TANGO2: variants seen among roughly 807,000 people sequenced by gnomAD.
TANGO2 encodes the protein transport and Golgi organization protein 2 homolog.
Under a neutral mutation model 39.1 loss-of-function variants are expected in TANGO2, and 26 were observed. The ratio of observed to expected loss-of-function variants is 0.67; its 90% CI spans 0.49 to 0.92. The LOEUF (loss-of-function observed/expected upper bound fraction) is 0.92. Ranked by LOEUF, TANGO2 falls within the 40% of genes least tolerant of loss-of-function variation. TANGO2 has a pLI of 0.00. For synonymous variants in TANGO2, 131 were observed against 144.5 expected, an observed-to-expected ratio of 0.91 and a Z score of 0.67; for missense variants, 326 against 360.1, an observed-to-expected ratio of 0.91 and a Z score of 0.77.
At chr22:20,027,618 T>C (rs904242839) in intron 1 of TANGO2, among the ~76,000 whole-genome samples, 2 of 152,004 alleles carry the variant, frequency 1.3e-5, no homozygotes, top group Non-Finnish European at 2.9e-5. Context: ...TTTTCCTTTT[T>C]TTTTTGAGAC....
At chr22:20,032,649 G>A (rs1272087687) in intron 1 of TANGO2, among the ~76,000 whole-genome samples, 2 of 152,246 alleles carry the variant, frequency 1.3e-5, no homozygotes, top group Non-Finnish European at 2.9e-5. Context: ...GTGGGGACAG[G>A]CAGGGCGGAG....
chr22:20,047,519 G>A (rs902991928), intron 3 of TANGO2, among the ~76,000 whole-genome samples: 2 of 152,166 alleles, frequency 1.3e-5, no homozygotes, highest in African/African-American at 2.4e-5. Context: ...AGAGGCGTGA[G>A]CCACCTCACC....
At chr22:20,047,487 A>G (rs2045469059) in intron 3 of TANGO2, among the ~76,000 whole-genome samples, 1 of 152,066 alleles carries the variant, frequency 6.6e-6, no homozygotes, top group African/African-American at 2.4e-5. Context: ...CACCCGCCTC[A>G]GCCTCCCAAA....
At chr22:20,051,695 A>T (rs1235993269) in intron 3 of TANGO2, among the ~76,000 whole-genome samples, 1 of 151,898 alleles carries the variant, frequency 6.6e-6, no homozygotes, top group Non-Finnish European at 1.5e-5. Flanking sequence ...GTACAAAAAA[A>T]TGCAAAAATC....
chr22:20,023,401 A>G (rs2040104382), intron 1 of TANGO2, among the ~76,000 whole-genome samples: 1 of 152,140 alleles, frequency 6.6e-6, no homozygotes, highest in African/African-American at 2.4e-5. Flanking sequence ...GGGCCTGAGG[A>G]TGGGGCCACC....
At chr22:20,046,948 A>C (rs2045333775) in intron 3 of TANGO2, among the ~76,000 whole-genome samples, 1 of 152,196 alleles carries the variant, frequency 6.6e-6, no homozygotes, top group East Asian at 1.9e-4. Context: ...GACCTGAAGC[A>C]CAGTGTCAGC....
Position 20,049,661 on chromosome 22 carries a change from A to C in TANGO2, c.146-2804A>C, listed in dbSNP as rs79719676. ...GGTAACAAGAGCGAAACTCTGTCTCAAAAAAAAAAAAAAAAAGAAAAAAGA... is the reference window on the plus strand; with the variant it reads ...GGTAACAAGAGCGAAACTCTGTCTCCAAAAAAAAAAAAAAAAGAAAAAAGA... On this transcript the variant is annotated intron_variant, in intron 3 of 8. Coordinates refer to ENST00000327374, the MANE Select transcript of TANGO2 (RefSeq NM_152906.7). Among the ~76,000 whole-genome samples the C allele has an allele frequency of 4.3e-4, 44 of 102,396 alleles. 1 individual carries two copies. The highest frequency in any genetic ancestry group is 2.1e-3 in the African/African-American group (44 of 20,742). 67.2% of individuals were successfully genotyped at this position (102,396 alleles called of 152,430 possible). A position where few individuals can be genotyped will look rare whatever the true frequency, so the allele number is the denominator to read the frequency against.
intron 5 of TANGO2, 38 bp downstream of exon 5, chr22:20,053,589 A>G: frequency 7.2e-7 from 1 of 1,394,442 alleles, no homozygotes; most frequent in Non-Finnish European, 1.0e-6. Flanking sequence ...TCTGCCCAGC[A>G]CTGCCTCGGG....
At position 20,064,933 on chromosome 22, in the gene TANGO2, A is replaced by C; in HGVS notation, c.*271A>C. ...TGAACATGTGGATACACCTGAGCCC[A>C]CTCTTGCACATGTACACAGGCACTC... On this transcript the variant is annotated 3_prime_UTR_variant, in exon 9 of 9. Coordinates refer to ENST00000327374, the MANE Select transcript of TANGO2 (RefSeq NM_152906.7). 4.7e-6 allele frequency: 2 copies of C among 427,664 alleles called. No individual in the cohort carries two copies. The highest frequency in any genetic ancestry group is 4.3e-6 in the Non-Finnish European group (1 of 234,298). 26.5% of individuals were successfully genotyped at this position (427,664 alleles called of 1,614,324 possible).
intron 1 of TANGO2, among the ~76,000 whole-genome samples, chr22:20,036,446 C>T (rs902150611): frequency 1.3e-5 from 2 of 152,162 alleles, no homozygotes; most frequent in Non-Finnish European, 2.9e-5. Context: ...ACTTCTGCTG[C>T]CCCCCGGGGA....
At position 20,064,734 on chromosome 22, in the gene TANGO2, T is replaced by G; in HGVS notation, c.*72T>G. 1 of 1,582,344 alleles carries G rather than the reference T, an allele frequency of 6.3e-7. No homozygotes were observed. The highest frequency in any genetic ancestry group is 8.6e-7 in the Non-Finnish European group (1 of 1,162,660). On this transcript the variant is annotated 3_prime_UTR_variant, in exon 9 of 9. Transcript: ENST00000327374. ...GAGGGGCACTGTGGACAGGAAACCT[T>G]CCTTTGCCATACTGCATTGCACTGC...
chr22:20,053,282 A>G (rs780277610), intron 4 of TANGO2, 155 bp from the exon 5 acceptor site: 7 of 597,402 alleles, frequency 1.2e-5, no homozygotes, highest in Non-Finnish European at 2.2e-5. Flanking sequence ...CAGGCTAATG[A>G]GGTGTGGCTG....
At chr22:20,026,348 A>G (rs1441480142) in intron 1 of TANGO2, among the ~76,000 whole-genome samples, 2 of 151,778 alleles carry the variant, frequency 1.3e-5, no homozygotes, top group African/African-American at 4.8e-5. Context: ...TAGTGAGCTG[A>G]GATCGCGCCG....
chr22:20,040,432 G>T (rs2043682815), intron 2 of TANGO2, among the ~76,000 whole-genome samples: 1 of 152,222 alleles, frequency 6.6e-6, no homozygotes, highest in Admixed American at 6.5e-5. Context: ...GCTGGACTGG[G>T]ATGAGGTGTC....
At chr22:20,060,948 C>G (rs931839502) in intron 6 of TANGO2, among the ~76,000 whole-genome samples, 18 of 152,192 alleles carry the variant, frequency 1.2e-4, no homozygotes, top group African/African-American at 3.4e-4. Context: ...GTTGGCCATG[C>G]CTTCTGCCAA....
At chr22:20,061,763 G>C in intron 7 of TANGO2, 80 bp downstream of exon 7, 1 of 1,450,686 alleles carries the variant, frequency 6.9e-7, no homozygotes, top group Non-Finnish European at 9.1e-7. Context: ...TGCTGCCCCG[G>C]GAGGCCCATG....
chr22:20,019,638 C>T, upstream of TANGO2, among the ~76,000 whole-genome samples: 1 of 152,264 alleles, frequency 6.6e-6, no homozygotes, highest in Non-Finnish European at 1.5e-5. Context: ...TCATGTCCAG[C>T]TTTGAGGTGC....
chr22:20,060,889 C>T (rs1339113645), intron 6 of TANGO2, among the ~76,000 whole-genome samples: 2 of 152,200 alleles, frequency 1.3e-5, no homozygotes, highest in Non-Finnish European at 2.9e-5. Flanking sequence ...TGCTTCTCCA[C>T]CTCAAGTCCC....
rs174877 is a variant in TANGO2, at chr22:20,057,896, T to C, written c.451+1883T>C. On this transcript the variant is annotated intron_variant, in intron 6 of 8. Transcript: ENST00000327374. This position sits in a 1 kb window ranked among gnomAD's most constrained non-coding sequence, Gnocchi z 4.1. The stretch of plus-strand genomic sequence containing the variant: ...AGTCGCTGTAACCATCCACGTGGCA[T>C]CCTCGGTTCTCAGAGGCTGAGACCT... 114,739 of 151,878 alleles carry C rather than the reference T, an allele frequency of 0.76. 43,685 individuals are homozygous for C. Among genetic ancestry groups the C allele is most frequent in the East Asian group, 0.92 (4,717 of 5,148 alleles). 9.4% of individuals were successfully genotyped at this position (151,878 alleles called of 1,614,324 possible). A position where few individuals can be genotyped will look rare whatever the true frequency, so the allele number is the denominator to read the frequency against.
Sources: allele counts gnomAD v4.1 joint callset (sites outside exome capture counted in the v4.1 genomes callset), GRCh38; gene constraint gnomAD v4.1.1; non-coding constraint Gnocchi (gnomAD v3.1); transcripts MANE v1.5; gene names NCBI Gene and HGNC (gene_info 2026-07-23, HGNC 2026-07-21).